RBFOX1: variants seen among roughly 807,000 people sequenced by gnomAD.
RBFOX1 encodes the protein RNA binding protein fox-1 homolog 1.
RBFOX1 carries 8 observed loss-of-function variants against 57.7 expected under a neutral mutation model. The observed-to-expected ratio is 0.14, with a 90% CI of 0.08 to 0.25. The LOEUF (loss-of-function observed/expected upper bound fraction) is 0.25. RBFOX1 is among the 10% of genes least tolerant of loss of function. The pLI is 1.00. For missense variants in RBFOX1, 611 were observed against 548.5 expected, an observed-to-expected ratio of 1.11 and a Z score of -1.14; for synonymous variants, 326 against 222.4, an observed-to-expected ratio of 1.47 and a Z score of -4.15.
chr16:5,718,285 C>T (rs2051794384), intron 3 of RBFOX1, among the ~76,000 whole-genome samples: 1 of 152,192 alleles, frequency 6.6e-6, no homozygotes, highest in Non-Finnish European at 1.5e-5. Context: ...ACCCAATGTG[C>T]AGTGAGAAGC....
chr16:7,197,345 A>C (rs1220589331), intron 4 of RBFOX1, among the ~76,000 whole-genome samples: 2 of 151,924 alleles, frequency 1.3e-5, no homozygotes, highest in South Asian at 4.1e-4. Flanking sequence ...TGATCTTGGG[A>C]ATCCCAGAGC....
At chr16:6,827,386 A>G (rs915039045) in intron 3 of RBFOX1, among the ~76,000 whole-genome samples, 1 of 152,148 alleles carries the variant, frequency 6.6e-6, no homozygotes, top group African/African-American at 2.4e-5. Context: ...CTGACCCAGC[A>G]TTATCGCTGG....
At chr16:7,023,471 G>A (rs1158500783) in intron 3 of RBFOX1, among the ~76,000 whole-genome samples, 6 of 137,288 alleles carry the variant, frequency 4.4e-5, no homozygotes, top group Non-Finnish European at 9.1e-5. Flanking sequence ...AAAAAAAAAA[G>A]AGAGAAATGA....
At chr16:6,073,515 C>T (rs1434341233) in intron 1 of RBFOX1, among the ~76,000 whole-genome samples, 1 of 152,056 alleles carries the variant, frequency 6.6e-6, no homozygotes, top group Admixed American at 6.6e-5. Flanking sequence ...ACTGCTTAGC[C>T]CAAAATACGT....
chr16:7,661,092 G>A (rs1479011402), intron 12 of RBFOX1, among the ~76,000 whole-genome samples: 2 of 152,134 alleles, frequency 1.3e-5, no homozygotes, highest in Admixed American at 6.5e-5. Context: ...TGGTGCTCGT[G>A]CTGTTACTAT....
At chr16:6,328,016 G>T (rs181714669) in intron 2 of RBFOX1, among the ~76,000 whole-genome samples, 5 of 152,130 alleles carry the variant, frequency 3.3e-5, no homozygotes, top group Non-Finnish European at 7.3e-5. Flanking sequence ...CCAATTTGCA[G>T]TTGCAAAAAT....
intron 3 of RBFOX1, among the ~76,000 whole-genome samples, chr16:6,973,784 A>G (rs1182906793): frequency 6.6e-6 from 1 of 151,944 alleles, no homozygotes; most frequent in Admixed American, 6.6e-5. Flanking sequence ...TTTAATTTTT[A>G]TTTTTTTAAG....
intron 3 of RBFOX1, among the ~76,000 whole-genome samples, chr16:5,660,752 T>A (rs1037944374): frequency 1.4e-4 from 22 of 152,122 alleles, no homozygotes; most frequent in African/African-American, 5.3e-4. Flanking sequence ...GAATGACGCT[T>A]TAAGATGCCT....
chr16:5,471,305 T>C (rs2151620917), intron 2 of RBFOX1, among the ~76,000 whole-genome samples: 1 of 152,336 alleles, frequency 6.6e-6, no homozygotes, highest in African/African-American at 2.4e-5. Flanking sequence ...AACCAGCGTA[T>C]TGAAAAACAG....
At chr16:7,149,504 C>T (rs1285049900) in intron 4 of RBFOX1, among the ~76,000 whole-genome samples, 3 of 126,778 alleles carry the variant, frequency 2.4e-5, no homozygotes, top group African/African-American at 8.8e-5. Flanking sequence ...TTTTTTTTTC[C>T]CCGACAGGGT....
At chr16:7,064,124 C>G (rs28885794) in intron 4 of RBFOX1, among the ~76,000 whole-genome samples, 67,845 of 149,406 alleles carry the variant, frequency 0.45, 17,881 homozygotes, top group South Asian at 0.67. Flanking sequence ...TAAAATGAGT[C>G]CATAAGCGTG....
intron 2 of RBFOX1, among the ~76,000 whole-genome samples, chr16:6,588,331 C>G (rs996192166): frequency 6.6e-6 from 1 of 151,604 alleles, no homozygotes; most frequent in African/African-American, 2.4e-5. Flanking sequence ...CTTAGTTGTC[C>G]TTATTTCTTT....
intron 4 of RBFOX1, among the ~76,000 whole-genome samples, chr16:7,131,206 T>G (rs1284132333): frequency 2.6e-5 from 4 of 151,672 alleles, no homozygotes; most frequent in Non-Finnish European, 5.9e-5. Context: ...GTTAGCCAGG[T>G]GTGGTATCGC....
intron 4 of RBFOX1, among the ~76,000 whole-genome samples, chr16:5,881,689 G>GT (rs993265075): frequency 1.4e-4 from 21 of 151,822 alleles, no homozygotes; most frequent in Admixed American, 1.4e-3. Context: ...CAAAAAAAAA[G>GT]TTTTTTTAAA....
intron 3 of RBFOX1, among the ~76,000 whole-genome samples, chr16:5,810,099 C>G (rs1187899373): frequency 6.6e-6 from 1 of 151,168 alleles, no homozygotes; most frequent in East Asian, 2.0e-4. Flanking sequence ...ACCATATATT[C>G]TCACTCACAG....
At chr16:6,604,685 T>C (rs1294622964) in intron 2 of RBFOX1, among the ~76,000 whole-genome samples, 2 of 152,218 alleles carry the variant, frequency 1.3e-5, no homozygotes, top group Non-Finnish European at 2.9e-5. Context: ...AACTTTTTAT[T>C]AAGCATATAC....
intron 1 of RBFOX1, among the ~76,000 whole-genome samples, chr16:6,079,658 G>T (rs1184871970): frequency 1.3e-5 from 2 of 151,958 alleles, no homozygotes; most frequent in Non-Finnish European, 2.9e-5. Flanking sequence ...AACACAGGGA[G>T]ACCCCGTTTC....
chr16:6,214,651 G>A (rs2097321300), intron 1 of RBFOX1, among the ~76,000 whole-genome samples: 2 of 129,860 alleles, frequency 1.5e-5, no homozygotes, highest in African/African-American at 3.0e-5. Context: ...GAGGGACAGG[G>A]AGAGAGGGAG....
rs1284839000 is a variant in RBFOX1, at chr16:6,545,685, A to G, written c.-63-108918A>G. ...ACTCACCATGGTGTCCCCAGAACCC[A>G]TGTTAGTGGCATTGCTGAATAAAAG... On this transcript the variant is annotated intron_variant, in intron 2 of 15. Coordinates refer to ENST00000550418, the MANE Select transcript of RBFOX1 (RefSeq NM_018723.4). Among the ~76,000 whole-genome samples the G allele has an allele frequency of 3.9e-5, 6 of 152,208 alleles. No homozygotes were observed. In the East Asian group the frequency reaches 7.7e-4, roughly 20 times the overall value.
Sources: allele counts gnomAD v4.1 joint callset (sites outside exome capture counted in the v4.1 genomes callset), GRCh38; gene constraint gnomAD v4.1.1; transcripts MANE v1.5; gene names NCBI Gene and HGNC (gene_info 2026-07-23, HGNC 2026-07-21).